Variants in HS2ST1 observed in about 807,000 individuals in gnomAD.
HS2ST1 encodes 2-O-sulfotransferase.
HS2ST1 carries 18 observed loss-of-function variants against 42.9 expected under a neutral mutation model. That is an observed-to-expected ratio of 0.42 (90% CI 0.29 to 0.62). The LOEUF is 0.62. HS2ST1 is among the 20% of genes least tolerant of loss of function. The pLI is 0.21. For synonymous variants in HS2ST1, 146 were observed against 152.9 expected (o/e 0.95, Z 0.33); for missense variants, 334 against 433.8 (o/e 0.77, Z 2.04).
rs577266447 is a variant in HS2ST1 at position 87,098,666 on chromosome 1, G to A, written c.686+731G>A. On this transcript the variant is annotated intron_variant, in intron 5 of 6. Transcript: ENST00000370550. ...TAGATTACATCAAAGCCTCATAATA[G>A]TATAAGAATTGGAAGCCTATAAAGA... Among the ~76,000 whole-genome samples, 6 of 152,270 alleles carry A rather than the reference G, an allele frequency of 3.9e-5. 1 individual carries two copies. In the South Asian group the frequency reaches 1.0e-3, roughly 26 times the overall value.
chr1:87,032,556 A>G (rs1650266442), intron 1 of HS2ST1, among the ~76,000 whole-genome samples: 1 of 152,190 alleles, frequency 6.6e-6, no homozygotes, highest in East Asian at 1.9e-4. Flanking sequence ...ATAGAATATT[A>G]TAGGAAATTA....
chr1:87,066,318 C>A (rs1251470943), intron 1 of HS2ST1, among the ~76,000 whole-genome samples: 2 of 152,206 alleles, frequency 1.3e-5, no homozygotes, highest in East Asian at 3.8e-4. Flanking sequence ...AGCTAAGTGT[C>A]CATCTTCAGT....
rs74372607 is a variant in HS2ST1 at position 86,937,425 on chromosome 1, A to G, written c.124+22265A>G. On this transcript the variant is annotated intron_variant, in intron 1 of 6. Coordinates refer to ENST00000370550, the MANE Select transcript of HS2ST1 (RefSeq NM_012262.4). ...ATAGTTAGCTTTTTGAAGAACATCAAATATTAACTTTTCTATCATGCAAGT... is the reference window on the plus strand; with the variant it reads ...ATAGTTAGCTTTTTGAAGAACATCAGATATTAACTTTTCTATCATGCAAGT... Among the ~76,000 whole-genome samples, 84 of 152,324 alleles carry G rather than the reference A, an allele frequency of 5.5e-4. No individual in the cohort carries two copies. The East Asian group carries it at 8.1e-3, about 15-fold the overall frequency.
rs529499422 is a variant in HS2ST1, at chr1:86,950,354, A to G, written c.124+35194A>G. On this transcript the variant is annotated intron_variant, in intron 1 of 6. Transcript: ENST00000370550. ...TGAAAGACTAGATAGATACATGGGT[A>G]GATAGATAGGTAGGTAGGTAGGTAG... Among the ~76,000 whole-genome samples, 22 of 149,522 alleles carry G rather than the reference A, an allele frequency of 1.5e-4. No homozygotes were observed. In the South Asian group the frequency reaches 4.2e-3, roughly 28 times the overall value.
intron 1 of HS2ST1, among the ~76,000 whole-genome samples, chr1:87,029,768 G>T (rs1650182610): frequency 6.6e-6 from 1 of 152,166 alleles, no homozygotes. Flanking sequence ...GAGGATGATG[G>T]TAGGGAAAAT....
chr1:86,973,859 C>T (rs982936280), intron 1 of HS2ST1, among the ~76,000 whole-genome samples: 2 of 152,128 alleles, frequency 1.3e-5, no homozygotes, highest in Admixed American at 6.5e-5. Context: ...AGAAATCAGT[C>T]GTCTAGCTCT....
rs1651003457 is a variant in HS2ST1, at chr1:87,057,617, C to T, written c.125-15317C>T. ...TCTCACTCCCAGCACTCTGGGAGGC[C>T]GAGGCAGGTGGATCACGAGGTCAGG... On this transcript the variant is annotated intron_variant, in intron 1 of 6. Coordinates refer to ENST00000370550, the MANE Select transcript of HS2ST1 (RefSeq NM_012262.4). Among the ~76,000 whole-genome samples, 6 of 150,880 alleles carry T rather than the reference C, an allele frequency of 4.0e-5. No individual in the cohort carries two copies. In the South Asian group the frequency reaches 1.1e-3, roughly 26 times the overall value.
intron 1 of HS2ST1, among the ~76,000 whole-genome samples, chr1:87,038,921 G>A (rs921460384): frequency 2.6e-5 from 4 of 151,676 alleles, no homozygotes; most frequent in South Asian, 2.1e-4. Flanking sequence ...GTATATTGCC[G>A]TTTTTTTAAA....
At chr1:86,926,442 C>T (rs1660423803) in intron 1 of HS2ST1, among the ~76,000 whole-genome samples, 1 of 152,146 alleles carries the variant, frequency 6.6e-6, no homozygotes, top group Non-Finnish European at 1.5e-5. Context: ...GTTCTCTCTC[C>T]CTGTGCTATA....
At chr1:86,920,157 T>C (rs1660264041) in intron 1 of HS2ST1, among the ~76,000 whole-genome samples, 1 of 152,342 alleles carries the variant, frequency 6.6e-6, no homozygotes, top group South Asian at 2.1e-4. Context: ...TATTCTTACA[T>C]CTCTATATGG....
At chr1:87,011,017 C>T (rs538792679) in intron 1 of HS2ST1, among the ~76,000 whole-genome samples, 1 of 152,232 alleles carries the variant, frequency 6.6e-6, no homozygotes, top group East Asian at 1.9e-4. Flanking sequence ...AACTACTGGC[C>T]TCAGGTGATC....
rs771834101 is a variant in HS2ST1 at position 86,915,114 on chromosome 1, C to T, written c.78C>T (p.Phe26=). The change falls in exon 1 of 7, where the codon TTC becomes TTT. Residue 26 remains phenylalanine, a synonymous_variant. Transcript: ENST00000370550. ...TGGCCTTCGCGGTGGCGATGCTCTT[C>T]TTGGAAAACCAGATCCAGAAACTGG... ...AVVAFAVAML[F]LENQIQKLEE... The T allele has an allele frequency of 8.1e-6, 13 of 1,614,014 alleles. No homozygotes were observed. The highest frequency in any genetic ancestry group is 1.6e-4 in the Middle Eastern group (1 of 6,084).
chr1:87,052,260 A>T (rs1028316432), intron 1 of HS2ST1, among the ~76,000 whole-genome samples: 8 of 151,746 alleles, frequency 5.3e-5, no homozygotes, highest in Non-Finnish European at 8.8e-5. Context: ...CTCAAAAAAA[A>T]TTTTTTTTTA....
chr1:86,963,153 C>CT (rs965754388), intron 1 of HS2ST1, among the ~76,000 whole-genome samples: 20 of 148,452 alleles, frequency 1.3e-4, no homozygotes, highest in Non-Finnish European at 1.9e-4. Context: ...TTTATTAAAT[C>CT]TTTTTTTTTG....
chr1:86,923,498 G>A (rs998787767), intron 1 of HS2ST1, among the ~76,000 whole-genome samples: 2 of 151,392 alleles, frequency 1.3e-5, no homozygotes, highest in Non-Finnish European at 2.9e-5. Flanking sequence ...TTGGGTTCAC[G>A]CCATTCTCCT....
intron 1 of HS2ST1, among the ~76,000 whole-genome samples, chr1:86,916,364 G>T (rs1291631639): frequency 6.6e-6 from 1 of 152,140 alleles, no homozygotes; most frequent in Non-Finnish European, 1.5e-5. Context: ...TTTAGACTAA[G>T]AAATAGATGT....
chr1:87,001,824 G>T (rs1197591362), intron 1 of HS2ST1, among the ~76,000 whole-genome samples: 1 of 151,956 alleles, frequency 6.6e-6, no homozygotes, highest in Non-Finnish European at 1.5e-5. Flanking sequence ...TGTTGATCAG[G>T]CTGGTCTCAA....
chr1:87,074,834 G>T (rs2798674), intron 2 of HS2ST1, among the ~76,000 whole-genome samples: 105,860 of 151,990 alleles, frequency 0.7, 39,145 homozygotes, highest in East Asian at 0.97. Flanking sequence ...AAAATTATCA[G>T]CTGGTAGTCC....
chr1:86,958,598 A>G (rs1647739145), intron 1 of HS2ST1: 4 of 152,190 alleles, frequency 2.6e-5, no homozygotes, highest in Admixed American at 2.6e-4. Context: ...TATTACCTAC[A>G]TTTCTACTTT....
Sources: allele counts gnomAD v4.1 joint callset (sites outside exome capture counted in the v4.1 genomes callset), GRCh38; gene constraint gnomAD v4.1.1; transcripts MANE v1.5; gene names NCBI Gene and HGNC (gene_info 2026-07-23, HGNC 2026-07-21).